The following NOP16 variants were observed in gnomAD, a reference collection of about 807,000 sequenced individuals.
NOP16 encodes nucleolar protein 16.
Under a neutral mutation model 22.7 loss-of-function variants are expected in NOP16, and 14 were observed. The observed-to-expected ratio is 0.62, with a 90% CI of 0.41 to 0.97. NOP16 has a LOEUF of 0.97. Ranked by LOEUF, NOP16 falls within the 50% of genes least tolerant of loss-of-function variation. NOP16 has a pLI of 0.00. For synonymous variants in NOP16, 80 were observed against 83.6 expected (o/e 0.96, Z 0.23); for missense variants, 198 against 235.9 (o/e 0.84, Z 1.05).
Position 176,384,021 on chromosome 5 carries a change from C to T in NOP16, c.*210G>A, listed in dbSNP as rs1014924102. ...TGAAAACAGCAGGTTCTGGCTTTTC[C>T]GTGAACCCCCAGATGAATATAAATT... On this transcript the variant is annotated 3_prime_UTR_variant, in exon 5 of 5. Coordinates refer to ENST00000614830, the MANE Select transcript of NOP16 (RefSeq NM_016391.8). The T allele has an allele frequency of 1.2e-5, 19 of 1,538,962 alleles. No homozygotes were observed. Among genetic ancestry groups the T allele is most frequent in the African/African-American group, 4.1e-5 (3 of 73,064 alleles).
Position 176,384,324 on chromosome 5 carries a change from A to C in NOP16, c.444T>G (p.Ile148Met), listed in dbSNP as rs1255635175. 6.2e-7 allele frequency: 1 copy of C among 1,614,074 alleles called. No individual in the cohort carries two copies. The highest frequency in any genetic ancestry group is 1.7e-5 in the Admixed American group (1 of 60,010). ...KNYYQDTPKQ[I>M]RSKINVYKRF... The stretch of plus-strand genomic sequence containing the variant: ...GTTTATAGACGTTGATCTTACTCCG[A>C]ATCTGTTTTGGGGTATCTTGATAGT... Residue 148 changes from isoleucine (I) to methionine (M), a missense_variant, in exon 5 of 5, where the codon ATT (isoleucine) becomes ATG (methionine). Ile to Met is a conservative substitution (Grantham distance 10). Transcript: ENST00000614830.
chr5:176,387,003 A>T (rs972967511), intron 2 of NOP16, 94 bp from the exon 3 acceptor site: 19 of 1,072,156 alleles, frequency 1.8e-5, no homozygotes, highest in Non-Finnish European at 2.6e-5. Context: ...AACCCATAAG[A>T]ATCCCTGCCC....
chr5:176,387,998 T>C (rs1561784391), intron 2 of NOP16, among the ~76,000 whole-genome samples: 1 of 152,198 alleles, frequency 6.6e-6, no homozygotes, highest in Non-Finnish European at 1.5e-5. Context: ...AATGGGTTAA[T>C]TTCAGAGAAA....
At chr5:176,388,366 C>T (rs998458269) in intron 1 of NOP16, 23 bp from the exon 2 acceptor site, 1 of 1,613,038 alleles carries the variant, frequency 6.2e-7, no homozygotes, top group Non-Finnish European at 8.5e-7. Flanking sequence ...AGAGACATCG[C>T]GGATCCGTCA....
intron 2 of NOP16, among the ~76,000 whole-genome samples, chr5:176,387,451 C>G (rs576230809): frequency 1.6e-4 from 25 of 152,210 alleles, no homozygotes; most frequent in Admixed American, 1.6e-3. Flanking sequence ...ATGGGCTTCG[C>G]GAATGAATTT....
intron 4 of NOP16, 74 bp from the exon 5 acceptor site, chr5:176,384,448 C>T (rs1195536201): frequency 1.4e-6 from 2 of 1,450,488 alleles, no homozygotes; most frequent in South Asian, 2.6e-5. Flanking sequence ...CTGAATTAGG[C>T]AAGCCACTTG....
Position 176,384,944 on chromosome 5 carries a change from G to A in NOP16, c.393+277C>T, listed in dbSNP as rs1581404961. ...AAATAGACTTCCATCCTGGGTGACT[G>A]AGCAAGACTCTGTCTTGAAAACAAA... is the stretch of plus-strand genomic sequence containing the variant. On this transcript the variant is annotated intron_variant, in intron 4 of 4. Transcript: ENST00000614830. The A allele has an allele frequency of 6.9e-6, 4 of 576,230 alleles. No individual in the cohort carries two copies. In the East Asian group the frequency reaches 1.1e-4, roughly 16 times the overall value. The allele number at this position is 576,230 out of a possible 1,614,324, so 35.7% of individuals were successfully genotyped here. A position where few individuals can be genotyped will look rare whatever the true frequency, so the allele number is the denominator to read the frequency against.
intron 4 of NOP16, chr5:176,384,992 G>A (rs558172450): frequency 6.1e-5 from 35 of 573,004 alleles, no homozygotes; most frequent in African/African-American, 1.3e-4. Context: ...AACACCATGC[G>A]AGCAAAACAT....
intron 3 of NOP16, chr5:176,386,563 A>G: frequency 2.0e-6 from 1 of 494,706 alleles, no homozygotes; most frequent in East Asian, 3.9e-5. Context: ...TACCCATGCC[A>G]GAGATTTACT....
chr5:176,384,706 G>A, intron 4 of NOP16: 1 of 394,042 alleles, frequency 2.5e-6, no homozygotes, highest in Non-Finnish European at 4.6e-6. Flanking sequence ...GGAGGATGAG[G>A]CTGCGGTGAG....
chr5:176,388,155 G>T, intron 2 of NOP16, 80 bp downstream of exon 2: 1 of 1,068,818 alleles, frequency 9.4e-7, no homozygotes, highest in Non-Finnish European at 1.4e-6. Context: ...GGAATGGGCA[G>T]TACCACGTTC....
rs763306414 is a variant in NOP16, at chr5:176,388,552, C to G, written c.-13G>C. The G allele has an allele frequency of 1.9e-6, 3 of 1,601,934 alleles. No individual in the cohort carries two copies. The highest frequency in any genetic ancestry group is 1.7e-6 in the Non-Finnish European group (2 of 1,170,298). On this transcript the variant is annotated 5_prime_UTR_variant, in exon 1 of 5. Transcript: ENST00000614830. ...TGGCCTTGGGCATCGCGCTGACCAC[C>G]GCACCAGCAGCTCAAACACGCTGCC...
intron 2 of NOP16, among the ~76,000 whole-genome samples, chr5:176,387,857 GA>G (rs1166617652): frequency 3.3e-5 from 5 of 152,182 alleles, no homozygotes; most frequent in Non-Finnish European, 5.9e-5. Context: ...GAAGCCTAGG[GA>G]AGCCTCAGAC....
In NOP16 at chr5:176,384,508, C is replaced by G; in HGVS notation, c.394-134G>C. On this transcript the variant is annotated intron_variant, in intron 4 of 4. Transcript: ENST00000614830. ...CCTGACCTCAAAGGCTGTGGTGCAC[C>G]GGGCACAGTGGCTCATGCCTGTAAT... The G allele has an allele frequency of 4.8e-6, 4 of 836,972 alleles. No individual in the cohort carries two copies. In the South Asian group the frequency reaches 6.9e-5, roughly 14 times the overall value. The allele number at this position is 836,972 out of a possible 1,614,324, so 51.8% of individuals were successfully genotyped here.
intron 4 of NOP16, chr5:176,384,615 T>C (rs1020110844): frequency 5.5e-6 from 3 of 544,166 alleles, no homozygotes; most frequent in Admixed American, 3.5e-5. Flanking sequence ...AGTGAGACCC[T>C]GTCTCTCCAA....
At chr5:176,386,955 G>A in intron 2 of NOP16, 46 bp from the exon 3 acceptor site, 1 of 1,521,318 alleles carries the variant, frequency 6.6e-7, no homozygotes, top group Non-Finnish European at 9.1e-7. Flanking sequence ...TTTGATGAGG[G>A]AAAGTTATAG....
rs200633746 is a variant in NOP16, at chr5:176,385,236, G to A, written c.378C>T (p.His126=). Residue 126 remains histidine, a synonymous_variant, in exon 4 of 5, where the codon CAC becomes CAT. Transcript: ENST00000614830. The part of the protein sequence containing the change: ...IDYVRYMVEN[H]GEDYKAMARD... ...AGCCGCTCACCTTATAGTCCTCCCCGTGGTTCTCTACCATGTAGCGTACAT... is the reference window on the plus strand; with the variant it reads ...AGCCGCTCACCTTATAGTCCTCCCCATGGTTCTCTACCATGTAGCGTACAT... 25 of 1,604,986 alleles carry A rather than the reference G, an allele frequency of 1.6e-5. No individual in the cohort carries two copies. Among genetic ancestry groups the A allele is most frequent in the African/African-American group, 5.4e-5 (4 of 74,726 alleles).
chr5:176,388,130 A>T, intron 2 of NOP16, 105 bp downstream of exon 2: 1 of 834,402 alleles, frequency 1.2e-6, no homozygotes, highest in Non-Finnish European at 1.9e-6. Context: ...GAAAACTCGG[A>T]AGGGCCTGAG....
chr5:176,388,375 C>T, intron 1 of NOP16, 32 bp from the exon 2 acceptor site: 1 of 1,612,860 alleles, frequency 6.2e-7, no homozygotes, highest in Non-Finnish European at 8.5e-7. Context: ...GCGGATCCGT[C>T]ATCTCGCGGA....
Sources: allele counts gnomAD v4.1 joint callset (sites outside exome capture counted in the v4.1 genomes callset), GRCh38; gene constraint gnomAD v4.1.1; transcripts MANE v1.5; gene names NCBI Gene and HGNC (gene_info 2026-07-23, HGNC 2026-07-21).